Variants in MAPKAP1 observed in about 807,000 individuals in gnomAD.
MAPKAP1 encodes target of rapamycin complex 2 subunit MAPKAP1.
A neutral mutation model predicts 65.7 loss-of-function variants in MAPKAP1; 20 were observed. That is an observed-to-expected ratio of 0.30 (90% CI 0.21 to 0.44). The LOEUF is 0.44. Among genes scored for constraint, MAPKAP1 ranks in the 20% least tolerant of loss-of-function variants. The pLI is 1.00. For missense variants in MAPKAP1, 423 were observed against 648.0 expected (o/e 0.65, Z 3.77); for synonymous variants, 222 against 244.3 (o/e 0.91, Z 0.85).
In MAPKAP1 at chr9:125,438,819, A is replaced by T. The variant is rs7864593; in HGVS notation, c.*68T>A. 1 of 1,604,648 alleles carries T rather than the reference A, an allele frequency of 6.2e-7. No individual in the cohort carries two copies. The stretch of plus-strand genomic sequence containing the variant: ...CCGAGGACTTCAGGACACCGGGTGG[A>T]CTCTAGGGCACTTGGCCCTGGCAGG... On this transcript the variant is annotated 3_prime_UTR_variant, in exon 12 of 12. Coordinates refer to ENST00000265960, the MANE Select transcript of MAPKAP1 (RefSeq NM_001006617.3).
intron 10 of MAPKAP1, among the ~76,000 whole-genome samples, chr9:125,448,650 AG>A (rs1852810350): frequency 6.6e-6 from 1 of 152,222 alleles, no homozygotes; most frequent in African/African-American, 2.4e-5. Context: ...TCATAGGAAC[AG>A]GGTTAAGTCA....
intron 10 of MAPKAP1, among the ~76,000 whole-genome samples, chr9:125,451,671 A>G (rs1288079863): frequency 6.6e-6 from 1 of 152,078 alleles, no homozygotes; most frequent in African/African-American, 2.4e-5. Context: ...TTGGTCTCCT[A>G]GTTTTCACGT....
chr9:125,481,051 C>G (rs1564525917), intron 9 of MAPKAP1, among the ~76,000 whole-genome samples: 1 of 134,038 alleles, frequency 7.5e-6, no homozygotes, highest in Non-Finnish European at 1.6e-5. Context: ...AAAAGGTAAA[C>G]ATTATTATCC....
intron 8 of MAPKAP1, among the ~76,000 whole-genome samples, chr9:125,503,880 C>CT (rs35867576): frequency 0.032 from 2,082 of 65,924 alleles, 292 homozygotes; most frequent in East Asian, 0.075. Flanking sequence ...CCACGCTTGG[C>CT]TTTTTTTTTT....
intron 3 of MAPKAP1, among the ~76,000 whole-genome samples, chr9:125,665,373 G>A (rs1362190302): frequency 3.9e-5 from 6 of 152,076 alleles, no homozygotes; most frequent in Admixed American, 3.9e-4. Flanking sequence ...TATACCCTGA[G>A]CTGATTACTC....
At chr9:125,583,195 A>C (rs962881089) in intron 5 of MAPKAP1, among the ~76,000 whole-genome samples, 1 of 152,242 alleles carries the variant, frequency 6.6e-6, no homozygotes, top group Admixed American at 6.5e-5. Flanking sequence ...TTAAAGGTCT[A>C]TCATAACCAT....
intron 4 of MAPKAP1, among the ~76,000 whole-genome samples, chr9:125,642,647 T>G (rs1176205004): frequency 6.6e-6 from 1 of 152,210 alleles, no homozygotes; most frequent in African/African-American, 2.4e-5. Flanking sequence ...TACCCCTCAG[T>G]TAAAGAAACC....
chr9:125,667,018 C>G (rs1223506812), intron 3 of MAPKAP1, among the ~76,000 whole-genome samples: 2 of 152,100 alleles, frequency 1.3e-5, no homozygotes, highest in Non-Finnish European at 2.9e-5. Flanking sequence ...AGACCACAGG[C>G]TCAATTATCA....
chr9:125,558,358 T>C (rs752243772), intron 6 of MAPKAP1, among the ~76,000 whole-genome samples: 4 of 152,132 alleles, frequency 2.6e-5, no homozygotes, highest in Admixed American at 6.5e-5. Context: ...AGGAAAAAAT[T>C]TGCTGTTATT....
chr9:125,442,350 C>T (rs1321650930), intron 11 of MAPKAP1, among the ~76,000 whole-genome samples: 3 of 152,172 alleles, frequency 2.0e-5, no homozygotes, highest in African/African-American at 7.2e-5. Context: ...GAAGCATCTG[C>T]TTCGAGGGAG....
chr9:125,499,732 C>A (rs1431931303), intron 8 of MAPKAP1, among the ~76,000 whole-genome samples: 5 of 152,038 alleles, frequency 3.3e-5, no homozygotes, highest in Admixed American at 1.3e-4. Flanking sequence ...TAATTTGTGG[C>A]TGGGTTTAGT....
chr9:125,691,047 G>A (rs1166366486), intron 1 of MAPKAP1, among the ~76,000 whole-genome samples: 2 of 152,160 alleles, frequency 1.3e-5, no homozygotes, highest in African/African-American at 4.8e-5. Context: ...GGATCGCGAG[G>A]TCAGGAGAAT....
chr9:125,647,091 A>G (rs1479425584), intron 4 of MAPKAP1, among the ~76,000 whole-genome samples: 2 of 152,248 alleles, frequency 1.3e-5, no homozygotes, highest in African/African-American at 2.4e-5. Context: ...CTTCATACGG[A>G]CAATTAAAAT....
At chr9:125,533,023 G>A (rs1829975812) in intron 7 of MAPKAP1, among the ~76,000 whole-genome samples, 1 of 152,182 alleles carries the variant, frequency 6.6e-6, no homozygotes, top group Non-Finnish European at 1.5e-5. Flanking sequence ...CAAAGGGCCA[G>A]CAGGCAAACA....
At chr9:125,505,956 G>A (rs1039047107) in intron 8 of MAPKAP1, 4 of 263,772 alleles carry the variant, frequency 1.5e-5, no homozygotes, top group African/African-American at 6.5e-5. Context: ...AAAACCTGAT[G>A]TCTGAATAGT....
chr9:125,516,819 A>C (rs927576803), intron 7 of MAPKAP1, among the ~76,000 whole-genome samples: 1 of 152,260 alleles, frequency 6.6e-6, no homozygotes, highest in African/African-American at 2.4e-5. Flanking sequence ...TGCCTAGCAC[A>C]TAAGTACTTA....
chr9:125,576,863 T>TCA (rs1831419988), intron 5 of MAPKAP1, among the ~76,000 whole-genome samples: 1 of 151,836 alleles, frequency 6.6e-6, no homozygotes, highest in Non-Finnish European at 1.5e-5. Context: ...TGATCTCGGC[T>TCA]CGTTACAACC....
intron 4 of MAPKAP1, among the ~76,000 whole-genome samples, chr9:125,588,664 T>C (rs999589358): frequency 2.6e-5 from 4 of 152,220 alleles, no homozygotes; most frequent in Non-Finnish European, 4.4e-5. Flanking sequence ...GTTCCCAAAT[T>C]ATTCTACAGT....
chr9:125,525,113 C>T (rs903401702), intron 7 of MAPKAP1, among the ~76,000 whole-genome samples: 3 of 152,146 alleles, frequency 2.0e-5, no homozygotes, highest in African/African-American at 7.2e-5. Context: ...TAACTCAAAG[C>T]AGTCATATTC....
Sources: gnomAD v4.1 joint callset for allele counts (sites outside exome capture counted in the v4.1 genomes callset) on GRCh38, gnomAD v4.1.1 for gene constraint, MANE v1.5 for transcripts, NCBI Gene and HGNC (gene_info 2026-07-23, HGNC 2026-07-21) for gene names.